TANC2: variants seen among roughly 807,000 people sequenced by gnomAD.
TANC2 encodes protein TANC2.
A neutral mutation model predicts 210.5 loss-of-function variants in TANC2; 26 were observed. The observed-to-expected ratio is 0.12, with a 90% CI of 0.09 to 0.17. TANC2 has a LOEUF of 0.17. Ranked by LOEUF, TANC2 falls within the 10% of genes least tolerant of loss-of-function variation. The pLI is 1.00. For missense variants in TANC2, 2,129 were observed against 2,608.9 expected (o/e 0.82, Z 4.01); for synonymous variants, 931 against 967.1 (o/e 0.96, Z 0.69).
chr17:63,367,440 T>C (rs2047143399), intron 14 of TANC2, among the ~76,000 whole-genome samples: 1 of 152,174 alleles, frequency 6.6e-6, no homozygotes, highest in Non-Finnish European at 1.5e-5. Flanking sequence ...GTAGTGTTAG[T>C]ATATTTTATG....
intron 5 of TANC2, among the ~76,000 whole-genome samples, chr17:63,157,783 T>C (rs1033715063): frequency 3.3e-5 from 5 of 152,180 alleles, no homozygotes; most frequent in Non-Finnish European, 5.9e-5. Flanking sequence ...AGAGTCATAC[T>C]GTGCCACCCA....
intron 2 of TANC2, among the ~76,000 whole-genome samples, chr17:63,052,603 T>C (rs1332226156): frequency 6.6e-6 from 1 of 152,192 alleles, no homozygotes; most frequent in Non-Finnish European, 1.5e-5. Flanking sequence ...ACTTTTTCTG[T>C]AAAGTACCAG....
At chr17:63,238,054 T>C in exon 8 of TANC2, 1 of 1,539,742 alleles carries the variant, frequency 6.5e-7, no homozygotes, top group East Asian at 2.4e-5. Flanking sequence ...TTGTATCTCA[T>C]GCCACGGCCA....
chr17:63,358,976 T>TTGTGTGTGTGTGTGTG (rs34338483), intron 14 of TANC2, among the ~76,000 whole-genome samples: 103 of 147,914 alleles, frequency 7.0e-4, no homozygotes, highest in South Asian at 2.2e-3. Context: ...AGATTAATAT[T>TTGTGTGTGTGTGTGTG]TGTGTGTGTG....
chr17:63,057,394 A>G (rs1457808492), intron 2 of TANC2, among the ~76,000 whole-genome samples: 5 of 152,196 alleles, frequency 3.3e-5, no homozygotes, highest in Non-Finnish European at 5.9e-5. Context: ...TCTTTATTCT[A>G]CAATAATTTA....
At chr17:62,998,720 A>C (rs190855380) in intron 1 of TANC2, among the ~76,000 whole-genome samples, 3 of 152,222 alleles carry the variant, frequency 2.0e-5, no homozygotes, top group African/African-American at 7.2e-5. Flanking sequence ...ATTCATTACC[A>C]TCAGACCTGC....
intron 7 of TANC2, among the ~76,000 whole-genome samples, chr17:63,237,015 G>A (rs1274692551): frequency 6.6e-6 from 1 of 152,150 alleles, no homozygotes; most frequent in Admixed American, 6.5e-5. Flanking sequence ...ACCCAGTGGT[G>A]GAATTGCTGG....
chr17:63,317,796 G>C (rs1159047581), intron 10 of TANC2, among the ~76,000 whole-genome samples: 1 of 152,174 alleles, frequency 6.6e-6, no homozygotes, highest in Non-Finnish European at 1.5e-5. Flanking sequence ...CAGAAAGTAA[G>C]GTGTTTAGAC....
At chr17:63,364,076 C>T (rs886196300) in intron 14 of TANC2, among the ~76,000 whole-genome samples, 1 of 152,172 alleles carries the variant, frequency 6.6e-6, no homozygotes, top group Non-Finnish European at 1.5e-5. Flanking sequence ...TATCCACTTT[C>T]TAACCCCCTA....
chr17:63,405,830 A>G (rs537246553), intron 20 of TANC2, among the ~76,000 whole-genome samples: 39 of 152,332 alleles, frequency 2.6e-4, no homozygotes, highest in African/African-American at 9.4e-4. Flanking sequence ...CAGATTTGCA[A>G]CCACTAGAGG....
intron 3 of TANC2, among the ~76,000 whole-genome samples, chr17:63,076,788 T>C (rs1258938851): frequency 3.3e-5 from 5 of 152,116 alleles, no homozygotes; most frequent in Non-Finnish European, 7.4e-5. Flanking sequence ...GAAATTCTGA[T>C]AGTAAAAACC....
At position 63,267,735 on chromosome 17, in the gene TANC2, T is replaced by C. The variant is rs1408528789; in HGVS notation, c.1034-13T>C. The C allele has an allele frequency of 1.2e-6, 2 of 1,610,374 alleles. No individual in the cohort carries two copies. The highest frequency in any genetic ancestry group is 4.5e-5 in the East Asian group (2 of 44,796). On this transcript the variant is annotated splice_polypyrimidine_tract_variant and intron_variant, in intron 8 of 27. Transcript: ENST00000689528. ...AACTTAAATATTCTAACTAAACTTT[T>C]CTTTCTTGTCAGCCACCAGCTCTGC...
intron 5 of TANC2, among the ~76,000 whole-genome samples, chr17:63,164,968 C>G (rs1174792193): frequency 6.6e-6 from 1 of 152,080 alleles, no homozygotes; most frequent in Non-Finnish European, 1.5e-5. Context: ...GTCAGGTTGA[C>G]AAATAAAATT....
intron 3 of TANC2, among the ~76,000 whole-genome samples, chr17:63,090,117 TAA>T (rs1367441733): frequency 3.3e-5 from 5 of 152,060 alleles, no homozygotes; most frequent in African/African-American, 9.7e-5. Flanking sequence ...AGCAACGACT[TAA>T]GTGTTTTCTA....
intron 12 of TANC2, among the ~76,000 whole-genome samples, chr17:63,351,023 A>G (rs1413411945): frequency 6.6e-6 from 1 of 152,162 alleles, no homozygotes; most frequent in East Asian, 1.9e-4. Flanking sequence ...ATGATGATAT[A>G]TATACTCATA....
At chr17:63,019,868 C>T (rs554883548) in intron 2 of TANC2, among the ~76,000 whole-genome samples, 6 of 152,202 alleles carry the variant, frequency 3.9e-5, no homozygotes, top group African/African-American at 1.2e-4. Context: ...ATATTCTAGC[C>T]TTTGTCAGAT....
At chr17:63,015,784 T>C (rs1438850448) in intron 2 of TANC2, among the ~76,000 whole-genome samples, 1 of 152,070 alleles carries the variant, frequency 6.6e-6, no homozygotes, top group African/African-American at 2.4e-5. Flanking sequence ...TTAAATGAGC[T>C]ATAAAGAAAA....
intron 13 of TANC2, among the ~76,000 whole-genome samples, chr17:63,353,388 A>G (rs893197733): frequency 3.3e-5 from 5 of 152,176 alleles, no homozygotes; most frequent in African/African-American, 1.2e-4. Context: ...ATTTGGTGGT[A>G]GAGTCAGTGG....
At chr17:63,373,853 C>T (rs1277767341) in intron 14 of TANC2, among the ~76,000 whole-genome samples, 4 of 151,978 alleles carry the variant, frequency 2.6e-5, no homozygotes, top group East Asian at 1.9e-4. Flanking sequence ...TGGTGGTGCA[C>T]GCCCATAATC....
Sources: allele counts gnomAD v4.1 joint callset (sites outside exome capture counted in the v4.1 genomes callset), GRCh38; gene constraint gnomAD v4.1.1; transcripts MANE v1.5; gene names NCBI Gene and HGNC (gene_info 2026-07-23, HGNC 2026-07-21).